Variants in ARG2 observed in about 807,000 individuals in gnomAD.
ARG2 encodes the protein arginase-2, mitochondrial.
In ARG2, 21 loss-of-function variants were observed where a neutral mutation model predicts 39.4. The observed-to-expected ratio is 0.53, with a 90% CI of 0.38 to 0.77. ARG2 has a LOEUF of 0.77. Among genes scored for constraint, ARG2 ranks in the 30% least tolerant of loss-of-function variants. The probability of loss-of-function intolerance (pLI) is 0.00; values close to 1 mark genes in which losing one functional copy is unlikely to be tolerated. For missense variants in ARG2, 378 were observed against 426.2 expected, an observed-to-expected ratio of 0.89 and a Z score of 1.00; for synonymous variants, 150 against 156.7, an observed-to-expected ratio of 0.96 and a Z score of 0.32.
At chr14:67,628,260 C>T (rs1018975120) in intron 2 of ARG2, among the ~76,000 whole-genome samples, 4 of 152,296 alleles carry the variant, frequency 2.6e-5, no homozygotes, top group Admixed American at 2.6e-4. Flanking sequence ...GTTGCCCAGG[C>T]TGGAGTGTGG....
chr14:67,638,302 T>C (rs770084961), intron 2 of ARG2, among the ~76,000 whole-genome samples: 2 of 151,998 alleles, frequency 1.3e-5, no homozygotes, highest in African/African-American at 2.4e-5. Flanking sequence ...GATGGGAGCA[T>C]TACTTGAGCC....
In ARG2 at chr14:67,643,852, TAAAAAAAA is replaced by T. The variant is rs553614739; in HGVS notation, c.362+1512_362+1519del. ...AAGCAGGTAGATTCCTCCTTGGGAG[TAAAAAAAA>T]AAAAAAAAAAAAAAAAAAAAAAGAC... is the stretch of plus-strand genomic sequence containing the variant. On this transcript the variant is annotated intron_variant, in intron 3 of 7. Transcript: ENST00000261783. Among the ~76,000 whole-genome samples, 7 of 81,216 alleles carry T rather than the reference TAAAAAAAA, an allele frequency of 8.6e-5. No individual in the cohort carries two copies. The East Asian group carries it at 1.4e-3, about 16-fold the overall frequency. The allele number at this position is 81,216 out of a possible 152,430, so 53.3% of individuals were successfully genotyped here. A position where few individuals can be genotyped will look rare whatever the true frequency, so the allele number is the denominator to read the frequency against.
At position 67,620,377 on chromosome 14, in the gene ARG2, T is replaced by A. The variant is rs541571015; in HGVS notation, c.111+289T>A. Among the ~76,000 whole-genome samples, 3 of 149,028 alleles carry A rather than the reference T, an allele frequency of 2.0e-5. No individual in the cohort carries two copies. The South Asian group carries it at 6.6e-4, about 33-fold the overall frequency. On this transcript the variant is annotated intron_variant, in intron 1 of 7. Coordinates refer to ENST00000261783, the MANE Select transcript of ARG2 (RefSeq NM_001172.4). ...AGAAAACGGTGGATGCAGCTTGGGG[T>A]AATGGAGGGGAGAGAATGAGGAAGA...
chr14:67,646,156 A>G (rs1222981755), intron 4 of ARG2, among the ~76,000 whole-genome samples: 1 of 152,220 alleles, frequency 6.6e-6, no homozygotes, highest in Non-Finnish European at 1.5e-5. Flanking sequence ...AGTTCAGAAT[A>G]TATGGGAGTC....
chr14:67,650,748 A>G lies in ARG2; in HGVS notation c.893A>G (p.Asn298Ser), dbSNP rs368075714. 1.2e-5 allele frequency: 20 copies of G among 1,613,962 alleles called. No individual in the cohort carries two copies. The highest frequency in any genetic ancestry group is 1.6e-5 in the Non-Finnish European group (19 of 1,180,010). Residue 298 changes from asparagine to serine, a missense_variant, in exon 8 of 8, where the codon AAT becomes AGT. Coordinates refer to ENST00000261783, the MANE Select transcript of ARG2 (RefSeq NM_001172.4). Reference sequence around the variant, plus strand: ...TCAGCACTGGATCTTGTTGAAGTCAATCCTCAGTTGGCCACCTCAGAGGAA... The same window carrying G: ...TCAGCACTGGATCTTGTTGAAGTCAGTCCTCAGTTGGCCACCTCAGAGGAA... ...LLSALDLVEV[N>S]PQLATSEEEA... is the part of the protein sequence containing the mutation.
At position 67,651,124 on chromosome 14, in the gene ARG2, T is replaced by C. The variant is rs1000971957; in HGVS notation, c.*204T>C. 4.2e-5 allele frequency: 38 copies of C among 904,370 alleles called. No individual in the cohort carries two copies. Among genetic ancestry groups the C allele is most frequent in the Non-Finnish European group, 5.6e-5 (34 of 609,358 alleles). 56.0% of individuals were successfully genotyped at this position (904,370 alleles called of 1,614,324 possible). On this transcript the variant is annotated 3_prime_UTR_variant, in exon 8 of 8. Coordinates refer to ENST00000261783, the MANE Select transcript of ARG2 (RefSeq NM_001172.4). ...TTGGTTTTTTGCAGTTCACAGGGTA[T>C]TAATATGCTACAGTACTATGTAAAT...
chr14:67,634,437 A>AG (rs1192924514), intron 2 of ARG2, among the ~76,000 whole-genome samples: 1 of 150,590 alleles, frequency 6.6e-6, no homozygotes, highest in Admixed American at 6.6e-5. Flanking sequence ...TACCAAAAAA[A>AG]AAAAAAAAAA....
chr14:67,620,857 TCTCTAC>T (rs1278945041), intron 1 of ARG2, 31 bp from the exon 2 acceptor site: 1 of 1,612,160 alleles, frequency 6.2e-7, no homozygotes, highest in East Asian at 2.2e-5. Flanking sequence ...TCCGACACCT[TCTCTAC>T]CTCTAATTGT....
At chr14:67,648,220 T>C (rs1325011705) in intron 7 of ARG2, 37 bp downstream of exon 7, 4 of 1,590,264 alleles carry the variant, frequency 2.5e-6, no homozygotes, top group East Asian at 2.3e-5. Context: ...GTTAACTACA[T>C]AGGTAAATAT....
chr14:67,627,277 A>ATATATC (rs1320006083), intron 2 of ARG2, among the ~76,000 whole-genome samples: 3 of 148,776 alleles, frequency 2.0e-5, no homozygotes, highest in East Asian at 4.0e-4. Context: ...ATATATATAT[A>ATATATC]TATATCTGAA....
At chr14:67,622,512 A>T (rs2036821285) in intron 2 of ARG2, among the ~76,000 whole-genome samples, 1 of 152,222 alleles carries the variant, frequency 6.6e-6, no homozygotes, top group South Asian at 2.1e-4. Context: ...AGTCATTTTA[A>T]TAACTCTCCA....
chr14:67,626,523 CTT>C (rs569176433), intron 2 of ARG2, among the ~76,000 whole-genome samples: 1 of 149,822 alleles, frequency 6.7e-6, no homozygotes, highest in Non-Finnish European at 1.5e-5. Flanking sequence ...TTCACACAAA[CTT>C]TTTTTTTTAG....
intron 2 of ARG2, among the ~76,000 whole-genome samples, chr14:67,622,646 A>G (rs1186937033): frequency 6.6e-6 from 1 of 152,222 alleles, no homozygotes; most frequent in Non-Finnish European, 1.5e-5. Context: ...CTCTTAAAAT[A>G]GCTTGTACAC....
At chr14:67,624,686 A>G (rs560723627) in intron 2 of ARG2, among the ~76,000 whole-genome samples, 24 of 152,330 alleles carry the variant, frequency 1.6e-4, no homozygotes, top group African/African-American at 5.8e-4. Flanking sequence ...GACCTCCAAC[A>G]TTGGGGATTA....
At chr14:67,633,600 C>T (rs1236929382) in intron 2 of ARG2, among the ~76,000 whole-genome samples, 1 of 152,162 alleles carries the variant, frequency 6.6e-6, no homozygotes, top group East Asian at 1.9e-4. Flanking sequence ...TCCTGTGGCA[C>T]TCTGCTTCTC....
intron 2 of ARG2, among the ~76,000 whole-genome samples, chr14:67,625,917 C>T (rs945521889): frequency 1.3e-5 from 2 of 152,018 alleles, no homozygotes; most frequent in African/African-American, 4.8e-5. Flanking sequence ...AGAAGTTATA[C>T]AAATGGGCAG....
In ARG2 at chr14:67,642,269, C is replaced by T. The variant is rs570385517; in HGVS notation, c.268C>T (p.Arg90Cys). The change falls in exon 3 of 8, where the codon CGC becomes TGC. Residue 90 changes from arginine (R) to cysteine (C), a missense_variant. By Grantham distance (180) the Arg-to-Cys change is radical. Coordinates refer to ENST00000261783, the MANE Select transcript of ARG2 (RefSeq NM_001172.4). Reference sequence around the variant, plus strand: ...CTACAACAACCTGATAGTGAATCCACGCTCAGTGGGTCTTGCCAACCAGGA... The same window carrying T: ...CTACAACAACCTGATAGTGAATCCATGCTCAGTGGGTCTTGCCAACCAGGA... Reference protein sequence around the residue: ...DLYNNLIVNPRSVGLANQELA... With the variant: ...DLYNNLIVNPCSVGLANQELA... 101 of 1,614,118 alleles carry T rather than the reference C, an allele frequency of 6.3e-5. No individual in the cohort carries two copies. The South Asian group carries it at 9.0e-4, about 14-fold the overall frequency.
At chr14:67,645,570 T>C (rs2037086919) in intron 3 of ARG2, 73 bp from the exon 4 acceptor site, 3 of 1,533,244 alleles carry the variant, frequency 2.0e-6, no homozygotes, top group African/African-American at 2.7e-5. Context: ...ATAAGTTGTT[T>C]TGGCTGAGGA....
At position 67,620,951 on chromosome 14, in the gene ARG2, A is replaced by T. The variant is rs1329737234; in HGVS notation, c.169A>T (p.Arg57Trp). 1.2e-6 allele frequency: 2 copies of T among 1,614,094 alleles called. No homozygotes were observed. The highest frequency in any genetic ancestry group is 4.5e-5 in the East Asian group (2 of 44,880). ...CATAAGAGAAGCTGGCTTGATGAAA[A>T]GGCTCTCCAGTTTGGGTAAGTGGTT... ...AAIREAGLMK[R>W]LSSLGCHLKD... The change falls in exon 2 of 8, where the codon AGG becomes TGG. Residue 57 changes from arginine (R) to tryptophan (W), a missense_variant. Physicochemically the swap from Arg to Trp is moderately radical, Grantham distance 101. Transcript: ENST00000261783.
Sources: allele counts gnomAD v4.1 joint callset (sites outside exome capture counted in the v4.1 genomes callset), GRCh38; gene constraint gnomAD v4.1.1; transcripts MANE v1.5; gene names NCBI Gene and HGNC (gene_info 2026-07-23, HGNC 2026-07-21).